Variants in LRRC4C observed in about 807,000 individuals in gnomAD.
LRRC4C encodes the protein leucine rich repeat containing 4C, also known as leucine-rich repeat-containing protein 4C.
A neutral mutation model predicts 33.6 loss-of-function variants in LRRC4C; 5 were observed. The observed-to-expected ratio is 0.15, with a 90% CI of 0.08 to 0.31. LRRC4C has a LOEUF of 0.31. Ranked by LOEUF, LRRC4C falls within the 10% of genes least tolerant of loss-of-function variation. The pLI is 1.00. For synonymous variants in LRRC4C, 329 were observed against 302.0 expected, an observed-to-expected ratio of 1.09 and a Z score of -0.93; for missense variants, 560 against 796.7, an observed-to-expected ratio of 0.70 and a Z score of 3.58.
At chr11:40,811,292 G>T (rs557145732) in intron 2 of LRRC4C, among the ~76,000 whole-genome samples, 7 of 152,034 alleles carry the variant, frequency 4.6e-5, no homozygotes, top group African/African-American at 1.7e-4. Flanking sequence ...TTCCTCCATA[G>T]CACCTAAGAT....
At chr11:40,215,124 C>T (rs558319802) in intron 5 of LRRC4C, among the ~76,000 whole-genome samples, 45 of 152,276 alleles carry the variant, frequency 3.0e-4, no homozygotes, top group Non-Finnish European at 5.1e-4. Flanking sequence ...TATTCCTGCT[C>T]TTCTTTCTAT....
intron 4 of LRRC4C, among the ~76,000 whole-genome samples, chr11:40,260,240 T>G (rs1347346726): frequency 7.9e-6 from 1 of 126,538 alleles, no homozygotes; most frequent in East Asian, 2.2e-4. Context: ...AATGATGAGT[T>G]CATGTCCTTT....
At chr11:40,988,910 C>T (rs1475970403) in intron 1 of LRRC4C, among the ~76,000 whole-genome samples, 4 of 151,574 alleles carry the variant, frequency 2.6e-5, no homozygotes, top group African/African-American at 9.7e-5. Flanking sequence ...TTAGTAGAGA[C>T]GGGGTTTCAC....
At chr11:40,235,116 T>C (rs891563407) in intron 5 of LRRC4C, among the ~76,000 whole-genome samples, 2 of 152,236 alleles carry the variant, frequency 1.3e-5, no homozygotes, top group African/African-American at 4.8e-5. Flanking sequence ...ATTTCCTTAG[T>C]TATAATTTGG....
At chr11:40,623,666 G>T (rs1210312567) in intron 3 of LRRC4C, among the ~76,000 whole-genome samples, 1 of 152,004 alleles carries the variant, frequency 6.6e-6, no homozygotes, top group Non-Finnish European at 1.5e-5. Context: ...CTACTAAGGT[G>T]CCAACTTGTT....
At chr11:40,530,093 G>A (rs1201233697) in intron 3 of LRRC4C, among the ~76,000 whole-genome samples, 1 of 152,014 alleles carries the variant, frequency 6.6e-6, no homozygotes, top group African/African-American at 2.4e-5. Context: ...CAAGACTGTG[G>A]AATTTTAGCT....
chr11:40,725,551 A>G (rs1947249827), intron 2 of LRRC4C, among the ~76,000 whole-genome samples: 2 of 152,028 alleles, frequency 1.3e-5, no homozygotes, highest in South Asian at 4.1e-4. Flanking sequence ...GATAAGATCC[A>G]GTCAGCTGAA....
At chr11:41,232,576 A>T (rs572439405) in intron 1 of LRRC4C, among the ~76,000 whole-genome samples, 31 of 152,234 alleles carry the variant, frequency 2.0e-4, no homozygotes, top group Admixed American at 3.9e-4. Context: ...CTAAATGACT[A>T]CATAATAACA....
chr11:41,397,943 G>A (rs2138072396), intron 1 of LRRC4C, among the ~76,000 whole-genome samples: 1 of 151,908 alleles, frequency 6.6e-6, no homozygotes, highest in Admixed American at 6.6e-5. Flanking sequence ...TTATTTATAA[G>A]GCTTAGAAAT....
intron 5 of LRRC4C, among the ~76,000 whole-genome samples, chr11:40,205,071 T>C (rs959521321): frequency 6.6e-6 from 1 of 152,180 alleles, no homozygotes; most frequent in African/African-American, 2.4e-5. Flanking sequence ...TTTAAATATC[T>C]GAAGAAAGCT....
rs191122594 is a variant in LRRC4C, at chr11:41,445,046, G to A, written c.-496+14385C>T. Among the ~76,000 whole-genome samples, 103 of 151,892 alleles carry A rather than the reference G, an allele frequency of 6.8e-4. No homozygotes were observed. In the East Asian group the frequency reaches 0.019, roughly 27 times the overall value. On this transcript the variant is annotated intron_variant, in intron 1 of 6. Transcript: ENST00000528697. ...TCCAACTCCCAACCTCAGGTGATCCGCCTGCCTTGGCCTCCCAAACTGCTG... is the reference window on the plus strand; with the variant it reads ...TCCAACTCCCAACCTCAGGTGATCCACCTGCCTTGGCCTCCCAAACTGCTG...
At chr11:40,718,213 G>A (rs972264949) in intron 2 of LRRC4C, among the ~76,000 whole-genome samples, 3 of 152,190 alleles carry the variant, frequency 2.0e-5, no homozygotes, top group Admixed American at 1.3e-4. Context: ...GTTCACCAGG[G>A]AGGATCATCT....
chr11:40,523,227 T>G (rs541099343), intron 3 of LRRC4C, among the ~76,000 whole-genome samples: 13 of 152,300 alleles, frequency 8.5e-5, no homozygotes, highest in Non-Finnish European at 1.9e-4. Context: ...ACCATTTTAA[T>G]AGATGTGAAG....
chr11:40,580,537 T>C (rs1958423380), intron 3 of LRRC4C, among the ~76,000 whole-genome samples: 2 of 152,190 alleles, frequency 1.3e-5, no homozygotes. Context: ...GAAATTATTC[T>C]GCAATAATCT....
intron 2 of LRRC4C, among the ~76,000 whole-genome samples, chr11:40,865,826 T>C (rs1421888004): frequency 6.6e-6 from 1 of 151,820 alleles, no homozygotes; most frequent in Non-Finnish European, 1.5e-5. Context: ...CTGCATATTA[T>C]AGAAAGGAAA....
intron 2 of LRRC4C, among the ~76,000 whole-genome samples, chr11:40,697,927 G>A (rs960454022): frequency 6.6e-6 from 1 of 151,916 alleles, no homozygotes; most frequent in African/African-American, 2.4e-5. Flanking sequence ...AATTAGCCAG[G>A]CATGGTGGCG....
intron 5 of LRRC4C, among the ~76,000 whole-genome samples, chr11:40,232,846 C>T (rs1032315931): frequency 7.2e-5 from 11 of 152,158 alleles, no homozygotes; most frequent in Middle Eastern, 3.2e-3. Context: ...CTACTGCAGA[C>T]GCTTTCTGTT....
chr11:41,445,866 A>ATGTG (rs35999139), intron 1 of LRRC4C, among the ~76,000 whole-genome samples: 65 of 149,842 alleles, frequency 4.3e-4, no homozygotes, highest in African/African-American at 1.4e-3. Flanking sequence ...GAGTGACTGC[A>ATGTG]TGTGTGTGTG....
chr11:40,253,484 A>T (rs1333687788), intron 4 of LRRC4C, among the ~76,000 whole-genome samples: 1 of 152,188 alleles, frequency 6.6e-6, no homozygotes, highest in Admixed American at 6.5e-5. Flanking sequence ...CAATCTCAAT[A>T]AGCCTCAGTT....
Sources: gnomAD v4.1 joint callset for allele counts (sites outside exome capture counted in the v4.1 genomes callset) on GRCh38, gnomAD v4.1.1 for gene constraint, MANE v1.5 for transcripts, NCBI Gene and HGNC (gene_info 2026-07-23, HGNC 2026-07-21) for gene names.